The following FREM1 variants were observed in gnomAD, a reference collection of about 807,000 sequenced individuals.
FREM1 encodes FRAS1 related extracellular matrix 1.
Under a neutral mutation model 210.1 loss-of-function variants are expected in FREM1, and 220 were observed. The observed-to-expected ratio is 1.05, with a 90% CI of 0.94 to 1.17. The LOEUF is 1.17. Ranked by LOEUF, FREM1 falls within the 50% of genes most tolerant of loss-of-function variation. The pLI is 0.00. For synonymous variants in FREM1, 1,189 were observed against 980.2 expected, an observed-to-expected ratio of 1.21 and a Z score of -3.98; for missense variants, 3,454 against 2,675.5, an observed-to-expected ratio of 1.29 and a Z score of -6.42.
intron 10 of FREM1, among the ~76,000 whole-genome samples, chr9:14,835,057 G>A (rs1855139): frequency 0.87 from 133,133 of 152,168 alleles, 58,463 homozygotes; most frequent in East Asian, 0.96. Flanking sequence ...ACACTGAAAT[G>A]GAGGGAGAAT....
chr9:14,814,191 G>T (rs1030568115), intron 15 of FREM1, among the ~76,000 whole-genome samples: 6 of 151,980 alleles, frequency 3.9e-5, no homozygotes, highest in African/African-American at 1.5e-4. Context: ...CTAATTTAGG[G>T]GCTTCTATTA....
intron 20 of FREM1, among the ~76,000 whole-genome samples, chr9:14,798,818 C>T (rs1279282407): frequency 6.6e-6 from 1 of 151,994 alleles, no homozygotes; most frequent in Non-Finnish European, 1.5e-5. Flanking sequence ...GGGTTACAGA[C>T]AGGTGTGACC....
chr9:14,882,912 CAAAAAAAA>C (rs71323913), intron 1 of FREM1, among the ~76,000 whole-genome samples: 1 of 45,418 alleles, frequency 2.2e-5, no homozygotes, highest in Non-Finnish European at 3.6e-5. Flanking sequence ...GACTCCATCT[CAAAAAAAA>C]AAAAAAAAGG....
At chr9:14,789,173 T>G in intron 22 of FREM1, 59 bp from the exon 23 acceptor site, 1 of 1,128,208 alleles carries the variant, frequency 8.9e-7, no homozygotes, top group Non-Finnish European at 1.2e-6. Context: ...CCAACGTACG[T>G]TAGTGGACAT....
chr9:14,899,631 C>A (rs1399675796), intron 1 of FREM1, among the ~76,000 whole-genome samples: 1 of 152,148 alleles, frequency 6.6e-6, no homozygotes, highest in Non-Finnish European at 1.5e-5. Context: ...AAAGTGAAAC[C>A]AGTATGGAAC....
chr9:14,848,684 G>A lies in FREM1; in HGVS notation c.1242C>T (p.Pro414=), dbSNP rs373428758. The change falls in exon 7 of 37, where the codon CCC becomes CCT. Residue 414 remains proline, a synonymous_variant. Transcript: ENST00000380880. ...CTTTACCTGTATTCCAGGATACACG[G>A]GGGGCATTTGTATCTGCTGTTCTGA... ...ISIRTADTNA[P]RVSWNTGLSL... 6.2e-7 allele frequency: 1 copy of A among 1,606,890 alleles called. No homozygotes were observed. Among genetic ancestry groups the A allele is most frequent in the Non-Finnish European group, 8.5e-7 (1 of 1,173,844 alleles).
rs1321328580 is a variant in FREM1 at position 14,859,445 on chromosome 9, C to A, written c.369G>T (p.Leu123=). The A allele has an allele frequency of 1.2e-6, 2 of 1,613,760 alleles. No homozygotes were observed. Among genetic ancestry groups the A allele is most frequent in the East Asian group, 2.2e-5 (1 of 44,874 alleles). Residue 123 remains leucine, a synonymous_variant, in exon 4 of 37, where the codon CTG becomes CTT. Coordinates refer to ENST00000380880, the MANE Select transcript of FREM1 (RefSeq NM_001379081.2). ...AGTCTGGTTCCAGGAGATAGACCCA[C>A]AGGATAAAAGTTTCTATGAAGGTAT... ...ERDTFIETFI[L]WVYLLEPDCN...
At position 14,823,207 on chromosome 9, in the gene FREM1, T is replaced by A. The variant is rs982318638; in HGVS notation, c.2290A>T (p.Ile764Phe). 6.2e-7 allele frequency: 1 copy of A among 1,613,934 alleles called. No homozygotes were observed. Among genetic ancestry groups the A allele is most frequent in the African/African-American group, 1.3e-5 (1 of 75,050 alleles). Reference protein sequence around the residue: ...SNQHGGTLHGICFNITILPVD... With the variant: ...SNQHGGTLHGFCFNITILPVD... ...GGGAGGATTGTAATGTTAAAGCAGA[T>A]CCCATGCAAAGTACCGCCATGTTGG... The change falls in exon 13 of 37, where the codon ATC becomes TTC. Residue 764 changes from isoleucine (I) to phenylalanine (F), a missense_variant. Coordinates refer to ENST00000380880, the MANE Select transcript of FREM1 (RefSeq NM_001379081.2).
chr9:14,843,377 T>C (rs1347040863), intron 8 of FREM1, among the ~76,000 whole-genome samples: 1 of 152,198 alleles, frequency 6.6e-6, no homozygotes, highest in Non-Finnish European at 1.5e-5. Flanking sequence ...TTCTCGGGCC[T>C]TCAGACTAAT....
At chr9:14,829,946 A>G (rs1001814860) in intron 10 of FREM1, among the ~76,000 whole-genome samples, 6 of 152,208 alleles carry the variant, frequency 3.9e-5, no homozygotes, top group African/African-American at 9.7e-5. Context: ...GAAAACGAGG[A>G]AAGAATGGAA....
chr9:14,807,904 A>C (rs1363514532), intron 17 of FREM1, 36 bp downstream of exon 17: 1 of 1,469,488 alleles, frequency 6.8e-7, no homozygotes, highest in Non-Finnish European at 9.5e-7. Flanking sequence ...ACACTAGGTC[A>C]GACAATAGTA....
chr9:14,859,521 T>C (rs1014797927), intron 3 of FREM1, 37 bp from the exon 4 acceptor site: 2 of 1,551,158 alleles, frequency 1.3e-6, no homozygotes, highest in Admixed American at 1.8e-5. Flanking sequence ...TATTAATTGG[T>C]GCTCAGGTAT....
chr9:14,764,605 C>G (rs1266523447), intron 27 of FREM1, among the ~76,000 whole-genome samples: 2 of 152,132 alleles, frequency 1.3e-5, no homozygotes, highest in African/African-American at 2.4e-5. Context: ...AGATGGTATT[C>G]GTTGCCACAA....
chr9:14,827,580 A>T (rs1822711218), intron 10 of FREM1, among the ~76,000 whole-genome samples: 1 of 152,236 alleles, frequency 6.6e-6, no homozygotes, highest in African/African-American at 2.4e-5. Flanking sequence ...AAGAATAAAA[A>T]AGCATCTTTA....
In FREM1 at chr9:14,770,675, A is replaced by G. The variant is rs1415428993; in HGVS notation, c.4989T>C (p.Thr1663=). The change falls in exon 26 of 37, where the codon ACT becomes ACC. Residue 1663 remains threonine (T), a synonymous_variant. Transcript: ENST00000380880. ...TTTTAAAGATGATCTGATCGTCCTC[A>G]GTGTCAGGGTCTGATGCCTTCAACA... ...SRVLKASDPD[T]EDDQIIFKIL... 2 of 1,613,440 alleles carry G rather than the reference A, an allele frequency of 1.2e-6. No individual in the cohort carries two copies. The highest frequency in any genetic ancestry group is 1.7e-6 in the Non-Finnish European group (2 of 1,179,608).
chr9:14,885,182 C>T (rs79130802), intron 1 of FREM1, among the ~76,000 whole-genome samples: 12,919 of 151,750 alleles, frequency 0.085, 727 homozygotes, highest in East Asian at 0.24. Context: ...CCTCGGCCTC[C>T]CCATCATTGC....
At position 14,873,793 on chromosome 9, in the gene FREM1, T is replaced by C. The variant is rs539275613; in HGVS notation, c.-267-4549A>G. 1.2e-3 allele frequency among the ~76,000 whole-genome samples: 189 copies of C among 152,360 alleles called. 1 individual carries two copies. The highest frequency in any genetic ancestry group is 4.3e-3 in the African/African-American group (178 of 41,596). ...AATTTTGGATCTTTCCTGCTTTCTC[T>C]TGTGGGCATTTAGTGCTATAAATTT... is the stretch of plus-strand genomic sequence containing the variant. On this transcript the variant is annotated intron_variant, in intron 1 of 36. Coordinates refer to ENST00000380880, the MANE Select transcript of FREM1 (RefSeq NM_001379081.2).
intron 1 of FREM1, among the ~76,000 whole-genome samples, chr9:14,882,705 G>T (rs1479422021): frequency 6.6e-6 from 1 of 151,074 alleles, no homozygotes; most frequent in African/African-American, 2.4e-5. Context: ...TGATCTGCCC[G>T]CCTCAGCTCC....
At position 14,788,961 on chromosome 9, in the gene FREM1, G is replaced by T; in HGVS notation, c.4135C>A (p.Pro1379Thr). ...FYLWDGNNRSPALDCQITIKD... is the reference protein window; with the variant it reads ...FYLWDGNNRSTALDCQITIKD... Reference sequence around the variant, plus strand: ...ATGGTGATTTGACAGTCAAGAGCAGGGGACCTGTTGTTGCCATCCCAAAGG... The same window carrying T: ...ATGGTGATTTGACAGTCAAGAGCAGTGGACCTGTTGTTGCCATCCCAAAGG... Residue 1379 changes from proline to threonine, a missense_variant, in exon 23 of 37, where the codon CCT (proline) becomes ACT (threonine). Physicochemically the swap from Pro to Thr is conservative, Grantham distance 38. Transcript: ENST00000380880. 2 of 1,613,138 alleles carry T rather than the reference G, an allele frequency of 1.2e-6. No homozygotes were observed. Among genetic ancestry groups the T allele is most frequent in the Non-Finnish European group, 1.7e-6 (2 of 1,179,598 alleles).
Sources: allele counts gnomAD v4.1 joint callset (sites outside exome capture counted in the v4.1 genomes callset), GRCh38; gene constraint gnomAD v4.1.1; transcripts MANE v1.5; gene names NCBI Gene and HGNC (gene_info 2026-07-23, HGNC 2026-07-21).